SPAG9: variants seen among roughly 807,000 people sequenced by gnomAD.
The protein encoded by SPAG9 is C-Jun-amino-terminal kinase-interacting protein 4.
In SPAG9, 35 loss-of-function variants were observed where a neutral mutation model predicts 166.5. That is an observed-to-expected ratio of 0.21 (90% CI 0.16 to 0.28). The LOEUF is 0.28. SPAG9 is among the 10% of genes least tolerant of loss of function. The pLI, the probability that SPAG9 is intolerant of heterozygous loss-of-function variation, is 1.00. For missense variants in SPAG9, 1,235 were observed against 1,603.3 expected, an observed-to-expected ratio of 0.77 and a Z score of 3.92; for synonymous variants, 534 against 565.5, an observed-to-expected ratio of 0.94 and a Z score of 0.79.
Position 50,974,887 on chromosome 17 carries a change from T to A in SPAG9, c.3584A>T (p.Asp1195Val), listed in dbSNP as rs1351174044. ...TGGAGTCACTTTATCACTGTTTTCATCACCATATACACGGATTACACTTCC... is the reference window on the plus strand; with the variant it reads ...TGGAGTCACTTTATCACTGTTTTCAACACCATATACACGGATTACACTTCC... ...RPGSVIRVYG[D>V]ENSDKVTPGT... is the part of the protein sequence containing the mutation. Residue 1195 changes from aspartate to valine, a missense_variant, in exon 28 of 30, where the codon GAT (aspartate) becomes GTT (valine). Transcript: ENST00000262013. The A allele has an allele frequency of 6.2e-7, 1 of 1,613,480 alleles. No individual in the cohort carries two copies. The highest frequency in any genetic ancestry group is 2.2e-5 in the East Asian group (1 of 44,850).
chr17:51,089,620 T>TATA (rs2048398411), intron 1 of SPAG9, among the ~76,000 whole-genome samples: 1 of 40,496 alleles, frequency 2.5e-5, no homozygotes, highest in African/African-American at 9.9e-5. Flanking sequence ...ACACTTTATT[T>TATA]TATATATATA....
chr17:51,037,665 T>TATATATATA lies in SPAG9; in HGVS notation c.741+3835_741+3836insTATATATAT, dbSNP rs2046646737. Among the ~76,000 whole-genome samples, 102 of 92,908 alleles carry TATATATATA rather than the reference T, an allele frequency of 1.1e-3. 2 individuals are homozygous for TATATATATA. The highest frequency in any genetic ancestry group is 3.1e-3 in the African/African-American group (83 of 26,904). 61.0% of individuals were successfully genotyped at this position (92,908 alleles called of 152,430 possible). A position where few individuals can be genotyped will look rare whatever the true frequency, so the allele number is the denominator to read the frequency against. On this transcript the variant is annotated intron_variant, in intron 5 of 29. Coordinates refer to ENST00000262013, the MANE Select transcript of SPAG9 (RefSeq NM_001130528.3). The stretch of plus-strand genomic sequence containing the variant: ...AATAAAATAAGTAAATATATGTGTT[T>TATATATATA]TATATATATATATATATATAGTGTG...
intron 9 of SPAG9, among the ~76,000 whole-genome samples, chr17:51,008,524 C>T (rs551525234): frequency 7.2e-5 from 11 of 151,926 alleles, no homozygotes; most frequent in South Asian, 2.1e-4. Flanking sequence ...AAACTACATA[C>T]GACAAAGGAG....
intron 1 of SPAG9, among the ~76,000 whole-genome samples, chr17:51,095,689 T>TATATATATAGTG (rs1206650744): frequency 2.2e-4 from 33 of 148,618 alleles, no homozygotes; most frequent in African/African-American, 7.9e-4. Flanking sequence ...TATATAGTGA[T>TATATATATAGTG]ATATATATAG....
At chr17:51,081,028 CTCT>C in intron 1 of SPAG9, among the ~76,000 whole-genome samples, 1 of 151,810 alleles carries the variant, frequency 6.6e-6, no homozygotes, top group South Asian at 2.1e-4. Flanking sequence ...TCAGCTTTGA[CTCT>C]TCTGTTTCTC....
Position 50,995,143 on chromosome 17 carries a change from T to C in SPAG9, c.2140A>G (p.Lys714Glu). 1.2e-6 allele frequency: 2 copies of C among 1,614,122 alleles called. No individual in the cohort carries two copies. Among genetic ancestry groups the C allele is most frequent in the East Asian group, 2.2e-5 (1 of 44,882 alleles). The change falls in exon 18 of 30, where the codon AAG becomes GAG. Residue 714 changes from lysine (K) to glutamate (E), a missense_variant. By Grantham distance (56) the Lys-to-Glu change is moderately conservative. This residue lies in a region of SPAG9 where 493 missense variants were observed against 559.4 expected (regional missense o/e 0.88). Coordinates refer to ENST00000262013, the MANE Select transcript of SPAG9 (RefSeq NM_001130528.3). Reference sequence around the variant, plus strand: ...TCTGTATCCAAACCAGCAACATCCTTGTAAAATACACTTGCTCCAACAACA... The same window carrying C: ...TCTGTATCCAAACCAGCAACATCCTCGTAAAATACACTTGCTCCAACAACA... ...GSVVGASVFY[K>E]DVAGLDTEGS...
At chr17:51,011,228 T>TA (rs2144071875) in intron 9 of SPAG9, among the ~76,000 whole-genome samples, 1 of 151,556 alleles carries the variant, frequency 6.6e-6, no homozygotes, top group South Asian at 2.1e-4. Context: ...TGGGAGGCTA[T>TA]AGGCAAGAGG....
At chr17:51,118,465 T>G (rs1339107212) in intron 1 of SPAG9, among the ~76,000 whole-genome samples, 3 of 152,188 alleles carry the variant, frequency 2.0e-5, no homozygotes, top group Non-Finnish European at 4.4e-5. Context: ...TTGCCCATAT[T>G]TACACGGACT....
chr17:51,004,144 G>A (rs2045089675), intron 12 of SPAG9, among the ~76,000 whole-genome samples: 1 of 152,204 alleles, frequency 6.6e-6, no homozygotes, highest in Non-Finnish European at 1.5e-5. Flanking sequence ...ATATACATAT[G>A]TGATATGATA....
chr17:50,967,138 A>G (rs1183193788), intron 29 of SPAG9, among the ~76,000 whole-genome samples: 1 of 152,204 alleles, frequency 6.6e-6, no homozygotes, highest in Non-Finnish European at 1.5e-5. Flanking sequence ...CCTCTCCATA[A>G]GACCCAGTGC....
At chr17:51,032,462 C>T (rs754252201) in intron 5 of SPAG9, among the ~76,000 whole-genome samples, 1 of 152,242 alleles carries the variant, frequency 6.6e-6, no homozygotes, top group East Asian at 1.9e-4. Context: ...TGTGCCCAGT[C>T]CCAAATCCTT....
intron 2 of SPAG9, among the ~76,000 whole-genome samples, chr17:51,077,065 G>GCTAGCTATCTAGCTATCTAT (rs2048025556): frequency 5.2e-5 from 6 of 114,334 alleles, no homozygotes; most frequent in South Asian, 2.9e-4. Context: ...TAGCTATCTA[G>GCTAGCTATCTAGCTATCTAT]CTAGCTATCT....
At position 50,964,775 on chromosome 17, in the gene SPAG9, C is replaced by T. The variant is rs1374293818; in HGVS notation, c.*1497G>A. 2.2e-6 allele frequency: 1 copy of T among 448,928 alleles called. No homozygotes were observed. Among genetic ancestry groups the T allele is most frequent in the Non-Finnish European group, 4.5e-6 (1 of 223,744 alleles). 27.8% of individuals were successfully genotyped at this position (448,928 alleles called of 1,614,324 possible). On this transcript the variant is annotated 3_prime_UTR_variant, in exon 30 of 30. Coordinates refer to ENST00000262013, the MANE Select transcript of SPAG9 (RefSeq NM_001130528.3). ...TTTTGCTTGTTTGTCTGTTTTGAGA[C>T]AGGGTCTTGCTCCGTCACCCAGGCT...
intron 8 of SPAG9, 148 bp from the exon 9 acceptor site, chr17:51,014,501 A>C (rs1172570591): frequency 1.7e-6 from 1 of 601,190 alleles, no homozygotes; most frequent in African/African-American, 1.9e-5. Flanking sequence ...GATTTCTCAA[A>C]GGCTTCCTAA....
At chr17:51,011,607 T>C (rs1163645922) in intron 9 of SPAG9, among the ~76,000 whole-genome samples, 1 of 152,138 alleles carries the variant, frequency 6.6e-6, no homozygotes, top group East Asian at 1.9e-4. Context: ...GGTCTCGAAC[T>C]CCTGACCTCA....
At position 50,999,650 on chromosome 17, in the gene SPAG9, T is replaced by C. The variant is rs765383836; in HGVS notation, c.1664+11A>G. On this transcript the variant is annotated intron_variant, in intron 14 of 29. Transcript: ENST00000262013. Reference sequence around the variant, plus strand: ...ATGTGCTGTCTAACATCTTTGTTTTTCAATACTTACAACTGCCAAATGCTT... The same window carrying C: ...ATGTGCTGTCTAACATCTTTGTTTTCCAATACTTACAACTGCCAAATGCTT... The C allele has an allele frequency of 1.9e-6, 3 of 1,609,600 alleles. No individual in the cohort carries two copies. Among genetic ancestry groups the C allele is most frequent in the African/African-American group, 1.3e-5 (1 of 74,766 alleles).
chr17:50,990,401 G>T, intron 20 of SPAG9, 49 bp downstream of exon 20: 1 of 1,319,912 alleles, frequency 7.6e-7, no homozygotes, highest in Non-Finnish European at 1.1e-6. Context: ...AGGCATCTGA[G>T]TGTAGCCTTA....
At chr17:50,999,739 A>C (rs1178502635) in intron 13 of SPAG9, 22 bp from the exon 14 acceptor site, 1 of 1,606,428 alleles carries the variant, frequency 6.2e-7, no homozygotes, top group African/African-American at 1.3e-5. Flanking sequence ...AAGAAAAGAA[A>C]AGAAACATTT....
At chr17:51,099,575 C>T (rs1006188980) in intron 1 of SPAG9, among the ~76,000 whole-genome samples, 2 of 151,466 alleles carry the variant, frequency 1.3e-5, no homozygotes, top group Non-Finnish European at 2.9e-5. Context: ...AATGCTCTAC[C>T]TGTGTTATGA....
Sources: gnomAD v4.1 joint callset for allele counts (sites outside exome capture counted in the v4.1 genomes callset) on GRCh38, gnomAD v4.1.1 for gene constraint, gnomAD v4.1.1 regional missense constraint, MANE v1.5 for transcripts, NCBI Gene and HGNC (gene_info 2026-07-23, HGNC 2026-07-21) for gene names.